POLR3F: variants seen among roughly 807,000 people sequenced by gnomAD.
POLR3F encodes the protein DNA-directed RNA polymerase III subunit RPC6.
A neutral mutation model predicts 43.6 loss-of-function variants in POLR3F; 31 were observed. The ratio of observed to expected loss-of-function variants is 0.71; its 90% CI spans 0.53 to 0.96. POLR3F has a LOEUF of 0.96. POLR3F is among the 40% of genes least tolerant of loss of function. POLR3F has a pLI of 0.00. For missense variants in POLR3F, 316 were observed against 391.7 expected (o/e 0.81, Z 1.63); for synonymous variants, 114 against 132.5 (o/e 0.86, Z 0.96).
Position 18,467,434 on chromosome 20 carries a change from T to C in POLR3F, c.-73T>C. 6.5e-7 allele frequency: 1 copy of C among 1,538,796 alleles called. No homozygotes were observed. The highest frequency in any genetic ancestry group is 9.0e-7 in the Non-Finnish European group (1 of 1,111,896). On this transcript the variant is annotated 5_prime_UTR_variant, in exon 1 of 9. Coordinates refer to ENST00000377603, the MANE Select transcript of POLR3F (RefSeq NM_006466.4). ...CAGCAGAGCGCTATCCTCCACTGGT[T>C]CCCCGGGTTCCCCGGCTTGCTACCG...
chr20:18,474,008 T>A (rs1475599337), intron 4 of POLR3F, among the ~76,000 whole-genome samples: 1 of 152,142 alleles, frequency 6.6e-6, no homozygotes, highest in African/African-American at 2.4e-5. Context: ...GAGTCATTGA[T>A]ATTAGCTGGA....
intron 2 of POLR3F, chr20:18,470,785 A>G (rs1479022394): frequency 6.5e-6 from 1 of 152,776 alleles, no homozygotes; most frequent in Non-Finnish European, 1.5e-5. Context: ...TGCAGGCAGT[A>G]GTAGAGCTAT....
intron 2 of POLR3F, among the ~76,000 whole-genome samples, chr20:18,471,411 G>A (rs1251361918): frequency 6.6e-6 from 1 of 152,096 alleles, no homozygotes; most frequent in Non-Finnish European, 1.5e-5. Context: ...GGGAGTTCAG[G>A]GTGGCTTTAC....
At position 18,467,458 on chromosome 20, in the gene POLR3F, C is replaced by G; in HGVS notation, c.-49C>G. On this transcript the variant is annotated 5_prime_UTR_variant, in exon 1 of 9. Coordinates refer to ENST00000377603, the MANE Select transcript of POLR3F (RefSeq NM_006466.4). ...TTCCCCGGGTTCCCCGGCTTGCTAC[C>G]GGGCTGCTCCGTGCATCTTTCCCCC... The G allele has an allele frequency of 2.5e-6, 4 of 1,607,564 alleles. No individual in the cohort carries two copies. Among genetic ancestry groups the G allele is most frequent in the Non-Finnish European group, 2.6e-6 (3 of 1,174,084 alleles).
intron 1 of POLR3F, 180 bp downstream of exon 1, chr20:18,467,748 A>G (rs2059704375): frequency 6.0e-6 from 8 of 1,335,200 alleles, no homozygotes. Flanking sequence ...AGAACTCAAG[A>G]AGTTCAAAAT....
chr20:18,469,544 A>G (rs2059737021), intron 2 of POLR3F, among the ~76,000 whole-genome samples: 1 of 152,182 alleles, frequency 6.6e-6, no homozygotes, highest in African/African-American at 2.4e-5. Flanking sequence ...TCACAGAGCA[A>G]ATAGCTTCTG....
At chr20:18,472,139 G>T (rs577369943) in intron 2 of POLR3F, among the ~76,000 whole-genome samples, 1 of 152,284 alleles carries the variant, frequency 6.6e-6, no homozygotes, top group Admixed American at 6.5e-5. Flanking sequence ...CTTTTGATTT[G>T]CTATATAAAA....
At chr20:18,471,643 C>A (rs1489985744) in intron 2 of POLR3F, among the ~76,000 whole-genome samples, 1 of 152,146 alleles carries the variant, frequency 6.6e-6, no homozygotes, top group East Asian at 1.9e-4. Context: ...TGTCACTGTT[C>A]ATTCAGTATG....
chr20:18,476,560 A>C (rs1988646), intron 5 of POLR3F, among the ~76,000 whole-genome samples: 101,893 of 152,084 alleles, frequency 0.67, 36,105 homozygotes, highest in Non-Finnish European at 0.8. Context: ...AAAACTATAA[A>C]ACTTTTTGAA....
rs906628302 is a variant in POLR3F, at chr20:18,483,811, C to T, written c.*253C>T. 6.3e-5 allele frequency: 25 copies of T among 399,228 alleles called. No individual in the cohort carries two copies. Among genetic ancestry groups the T allele is most frequent in the African/African-American group, 2.3e-4 (11 of 48,466 alleles). The allele number at this position is 399,228 out of a possible 1,614,324, so 24.7% of individuals were successfully genotyped here. A position where few individuals can be genotyped will look rare whatever the true frequency, so the allele number is the denominator to read the frequency against. ...CAATAAATAAAACACTTTGAAACTC[C>T]GGAGGACCACATCTTTCAAGACTTC... On this transcript the variant is annotated 3_prime_UTR_variant, in exon 9 of 9. Transcript: ENST00000377603.
intron 5 of POLR3F, among the ~76,000 whole-genome samples, chr20:18,476,979 CAGG>C (rs2059783733): frequency 1.3e-5 from 2 of 151,126 alleles, no homozygotes; most frequent in South Asian, 4.2e-4. Flanking sequence ...GAGGCTGAGG[CAGG>C]AGAATTGCTT....
chr20:18,474,252 T>G (rs982075319), intron 4 of POLR3F, among the ~76,000 whole-genome samples: 1 of 152,070 alleles, frequency 6.6e-6, no homozygotes. Flanking sequence ...ACAGGGCTTT[T>G]AGCAGCCATA....
At chr20:18,473,125 T>C (rs2059762223) in intron 3 of POLR3F, 2 of 338,554 alleles carry the variant, frequency 5.9e-6, no homozygotes, top group East Asian at 9.6e-5. Flanking sequence ...TATATATTTA[T>C]ATATAATCTT....
chr20:18,472,208 TTTTTTTG>T (rs141999610), intron 2 of POLR3F, among the ~76,000 whole-genome samples: 1,684 of 152,288 alleles, frequency 0.011, 31 homozygotes, highest in African/African-American at 0.039. Flanking sequence ...CACTGTTAAC[TTTTTTTG>T]TTTTTTGTTT....
At chr20:18,476,845 C>T (rs1341024277) in intron 5 of POLR3F, among the ~76,000 whole-genome samples, 3 of 152,046 alleles carry the variant, frequency 2.0e-5, no homozygotes, top group South Asian at 4.1e-4. Flanking sequence ...GAGGCCAAGG[C>T]GGGTGGATCA....
chr20:18,474,178 A>G (rs1601254124), intron 4 of POLR3F, among the ~76,000 whole-genome samples: 1 of 152,024 alleles, frequency 6.6e-6, no homozygotes, highest in East Asian at 1.9e-4. Flanking sequence ...AAATATTTAC[A>G]TACATTCCCT....
intron 8 of POLR3F, among the ~76,000 whole-genome samples, 199 bp from the exon 9 acceptor site, chr20:18,483,282 C>A (rs113140958): frequency 5.3e-5 from 8 of 152,274 alleles, no homozygotes; most frequent in African/African-American, 1.9e-4. Flanking sequence ...CCAGGATGGT[C>A]TTGACCACCC....
intron 8 of POLR3F, among the ~76,000 whole-genome samples, chr20:18,482,474 C>T (rs945512259): frequency 6.6e-6 from 1 of 152,140 alleles, no homozygotes; most frequent in Non-Finnish European, 1.5e-5. Flanking sequence ...CTCATTTAAT[C>T]CTCCTTACAT....
rs2059772900 is a variant in POLR3F, at chr20:18,475,050, C to T, written c.317-25C>T. 3 of 953,208 alleles carry T rather than the reference C, an allele frequency of 3.1e-6. No homozygotes were observed. The Admixed American group carries it at 6.1e-5, about 19-fold the overall frequency. 59.0% of individuals were successfully genotyped at this position (953,208 alleles called of 1,614,324 possible). A position where few individuals can be genotyped will look rare whatever the true frequency, so the allele number is the denominator to read the frequency against. ...AAAATCCATGAAAACCAGAGTTCAA[C>T]TTATTTTACTTTACTTTCTTATAGG... On this transcript the variant is annotated intron_variant, in intron 4 of 8. Transcript: ENST00000377603.
Sources: allele counts gnomAD v4.1 joint callset (sites outside exome capture counted in the v4.1 genomes callset), GRCh38; gene constraint gnomAD v4.1.1; transcripts MANE v1.5; gene names NCBI Gene and HGNC (gene_info 2026-07-23, HGNC 2026-07-21).